The following FHIT variants were observed in gnomAD, a reference collection of about 807,000 sequenced individuals.
FHIT encodes bis(5'-adenosyl)-triphosphatase.
In FHIT, 19 loss-of-function variants were observed where a neutral mutation model predicts 17.9. That is an observed-to-expected ratio of 1.06 (90% confidence interval 0.74 to 1.56). The LOEUF is 1.56. FHIT is among the 40% of genes most tolerant of loss of function. FHIT has a pLI of 0.00. For synonymous variants in FHIT, 81 were observed against 69.7 expected, an observed-to-expected ratio of 1.16 and a Z score of -0.81; for missense variants, 248 against 189.2, an observed-to-expected ratio of 1.31 and a Z score of -1.82.
chr3:60,445,563 C>A (rs1246449759), intron 5 of FHIT, among the ~76,000 whole-genome samples: 1 of 151,978 alleles, frequency 6.6e-6, no homozygotes, highest in African/African-American at 2.4e-5. Context: ...CTATCTCATT[C>A]CTGATCGTTT....
chr3:59,919,212 G>A (rs908975753), intron 8 of FHIT, among the ~76,000 whole-genome samples: 1 of 152,134 alleles, frequency 6.6e-6, no homozygotes, highest in Non-Finnish European at 1.5e-5. Context: ...ACCAAATGTA[G>A]ATATCCTCTT....
chr3:60,061,849 C>T (rs67030566), intron 5 of FHIT, among the ~76,000 whole-genome samples: 16,209 of 151,814 alleles, frequency 0.11, 969 homozygotes, highest in African/African-American at 0.14. Context: ...ATTTATGACA[C>T]GAGAGATGAA....
intron 7 of FHIT, among the ~76,000 whole-genome samples, chr3:60,000,817 A>C (rs1020290343): frequency 2.8e-4 from 42 of 152,154 alleles, no homozygotes; most frequent in African/African-American, 1.0e-3. Flanking sequence ...CCACAGCATA[A>C]GTCCCAGTGT....
At position 60,747,178 on chromosome 3, in the gene FHIT, C is replaced by G. The variant is rs138371482; in HGVS notation, c.-18+74741G>C. Among the ~76,000 whole-genome samples, 17 of 151,900 alleles carry G rather than the reference C, an allele frequency of 1.1e-4. No individual in the cohort carries two copies. In the East Asian group the frequency reaches 2.9e-3, roughly 26 times the overall value. On this transcript the variant is annotated intron_variant, in intron 4 of 9. Coordinates refer to ENST00000492590, the MANE Select transcript of FHIT (RefSeq NM_002012.4). ...CCCTCTGTGTATGTGAGTATTCTCTCTGCACTGAATGCCCTTCCTCCTTCA... is the reference window on the plus strand; with the variant it reads ...CCCTCTGTGTATGTGAGTATTCTCTGTGCACTGAATGCCCTTCCTCCTTCA...
intron 2 of FHIT, among the ~76,000 whole-genome samples, chr3:61,078,098 TG>T (rs2106765360): frequency 6.6e-6 from 1 of 152,242 alleles, no homozygotes; most frequent in African/African-American, 2.4e-5. Context: ...GGGCAGTTGC[TG>T]GGGAGACCAC....
chr3:60,294,484 A>T (rs1382747060), intron 5 of FHIT, among the ~76,000 whole-genome samples: 1 of 152,156 alleles, frequency 6.6e-6, no homozygotes, highest in Non-Finnish European at 1.5e-5. Flanking sequence ...TATTATATAC[A>T]CTTTTAGTTT....
intron 4 of FHIT, among the ~76,000 whole-genome samples, chr3:60,760,366 G>GT (rs1396737576): frequency 6.6e-6 from 1 of 152,188 alleles, no homozygotes; most frequent in Non-Finnish European, 1.5e-5. Context: ...GCTTTGCTCA[G>GT]TAAAACAGGA....
At chr3:60,327,517 T>C (rs569185698) in intron 5 of FHIT, among the ~76,000 whole-genome samples, 3 of 152,334 alleles carry the variant, frequency 2.0e-5, no homozygotes, top group South Asian at 2.1e-4. Flanking sequence ...GAGGACCAGA[T>C]GTGGCCCAGA....
At chr3:60,445,369 G>T (rs1055841287) in intron 5 of FHIT, among the ~76,000 whole-genome samples, 4 of 151,954 alleles carry the variant, frequency 2.6e-5, no homozygotes, top group African/African-American at 7.2e-5. Flanking sequence ...TTGGATTACA[G>T]TGGTCTGTAG....
chr3:60,298,532 G>A (rs1026763666), intron 5 of FHIT, among the ~76,000 whole-genome samples: 9 of 152,164 alleles, frequency 5.9e-5, no homozygotes, highest in Non-Finnish European at 7.4e-5. Context: ...AGCGGTGAGA[G>A]TCACCATCTT....
intron 2 of FHIT, among the ~76,000 whole-genome samples, chr3:61,105,237 G>A (rs1375180830): frequency 8.0e-6 from 1 of 125,578 alleles, no homozygotes; most frequent in Non-Finnish European, 2.0e-5. Flanking sequence ...ACCTTTGGAT[G>A]CTTTTTTTTT....
chr3:61,197,072 G>A (rs559789344), intron 2 of FHIT, among the ~76,000 whole-genome samples: 7 of 152,200 alleles, frequency 4.6e-5, no homozygotes, highest in Non-Finnish European at 7.4e-5. Flanking sequence ...TGCTGTTGTC[G>A]TTGTTGTTGT....
At chr3:60,843,059 C>G (rs533515817) in intron 3 of FHIT, among the ~76,000 whole-genome samples, 7 of 152,080 alleles carry the variant, frequency 4.6e-5, no homozygotes, top group African/African-American at 7.2e-5. Context: ...CATTCCACAG[C>G]AGGCTGTGCA....
intron 5 of FHIT, among the ~76,000 whole-genome samples, chr3:60,471,822 A>C (rs117852404): frequency 0.017 from 2,643 of 151,644 alleles, 119 homozygotes; most frequent in East Asian, 0.12. Context: ...CACCCCTCTC[A>C]CATTCTTGAA....
intron 3 of FHIT, among the ~76,000 whole-genome samples, chr3:60,976,279 G>T (rs2107541585): frequency 6.6e-6 from 1 of 151,492 alleles, no homozygotes; most frequent in South Asian, 2.1e-4. Context: ...GCTAATTTTT[G>T]TATTTTTAGT....
At chr3:60,302,097 A>T (rs914924419) in intron 5 of FHIT, among the ~76,000 whole-genome samples, 2 of 152,194 alleles carry the variant, frequency 1.3e-5, no homozygotes, top group East Asian at 3.9e-4. Flanking sequence ...GGAGGTTCCA[A>T]TTAGAAATTT....
At chr3:61,036,250 A>G (rs1447594470) in intron 3 of FHIT, among the ~76,000 whole-genome samples, 1 of 152,162 alleles carries the variant, frequency 6.6e-6, no homozygotes, top group Admixed American at 6.5e-5. Flanking sequence ...CCAGATCTCC[A>G]AAACTCACTC....
intron 4 of FHIT, among the ~76,000 whole-genome samples, chr3:60,800,844 C>T (rs1553731966): frequency 6.6e-6 from 1 of 152,124 alleles, no homozygotes; most frequent in African/African-American, 2.4e-5. Context: ...GTGGACTGCC[C>T]TTGACCAGGC....
chr3:60,181,729 T>C (rs1295037825), intron 5 of FHIT, among the ~76,000 whole-genome samples: 1 of 152,192 alleles, frequency 6.6e-6, no homozygotes. Flanking sequence ...ATGCATTTCT[T>C]TTGCATTTAT....
Sources: allele counts gnomAD v4.1 joint callset (sites outside exome capture counted in the v4.1 genomes callset), GRCh38; gene constraint gnomAD v4.1.1; transcripts MANE v1.5; gene names NCBI Gene and HGNC (gene_info 2026-07-23, HGNC 2026-07-21).